ELMO1: variants seen among roughly 807,000 people sequenced by gnomAD.
ELMO1 encodes the protein engulfment and cell motility 1, also known as engulfment and cell motility protein 1.
A neutral mutation model predicts 98.9 loss-of-function variants in ELMO1; 26 were observed. The ratio of observed to expected loss-of-function variants is 0.26; its 90% confidence interval spans 0.19 to 0.36. The LOEUF is 0.36. Among genes scored for constraint, ELMO1 ranks in the 10% least tolerant of loss-of-function variants. The pLI is 1.00. For missense variants in ELMO1, 627 were observed against 935.2 expected, an observed-to-expected ratio of 0.67 and a Z score of 4.30; for synonymous variants, 346 against 346.0, an observed-to-expected ratio of 1.00 and a Z score of 0.00.
intron 1 of ELMO1, among the ~76,000 whole-genome samples, chr7:37,389,579 A>T (rs928371675): frequency 6.6e-6 from 1 of 152,166 alleles, no homozygotes; most frequent in African/African-American, 2.4e-5. Context: ...GAGAGTCTCG[A>T]ATCGTCCAGG....
intron 18 of ELMO1, among the ~76,000 whole-genome samples, chr7:36,881,584 C>T (rs1277921646): frequency 2.0e-5 from 3 of 152,104 alleles, no homozygotes; most frequent in African/African-American, 4.8e-5. Flanking sequence ...AATGAGAGTA[C>T]GTTAATAGCC....
chr7:36,897,351 A>T (rs201023936), intron 16 of ELMO1, among the ~76,000 whole-genome samples: 2 of 6,970 alleles, frequency 2.9e-4, no homozygotes, highest in South Asian at 4.5e-3. Context: ...TGTGTGTGTG[A>T]AAGAGTGTTA....
chr7:37,334,475 C>T (rs926061635), intron 2 of ELMO1, among the ~76,000 whole-genome samples: 2 of 152,066 alleles, frequency 1.3e-5, no homozygotes, highest in African/African-American at 4.8e-5. Context: ...AAAAAACTGC[C>T]TGGGTTTTGG....
At position 37,293,319 on chromosome 7, in the gene ELMO1, C is replaced by T. The variant is rs1316877525; in HGVS notation, c.193-21437G>A. On this transcript the variant is annotated intron_variant, in intron 4 of 21. Coordinates refer to ENST00000310758, the MANE Select transcript of ELMO1 (RefSeq NM_014800.11). ...AAAGATTGAGAAATCGGGTGGTTGCCGTGTCTGTGTAGAAAGAGGTAGACA... is the reference window on the plus strand; with the variant it reads ...AAAGATTGAGAAATCGGGTGGTTGCTGTGTCTGTGTAGAAAGAGGTAGACA... Among the ~76,000 whole-genome samples the T allele has an allele frequency of 8.3e-4, 102 of 122,242 alleles. 1 individual carries two copies. The highest frequency in any genetic ancestry group is 1.3e-3 in the South Asian group (5 of 3,836). 80.2% of individuals were successfully genotyped at this position (122,242 alleles called of 152,430 possible). A position where few individuals can be genotyped will look rare whatever the true frequency, so the allele number is the denominator to read the frequency against.
chr7:37,264,236 G>A (rs762199274), intron 5 of ELMO1, among the ~76,000 whole-genome samples: 1 of 152,128 alleles, frequency 6.6e-6, no homozygotes, highest in Non-Finnish European at 1.5e-5. Flanking sequence ...CATTTACCAT[G>A]AGTTCAAAAC....
At chr7:36,876,365 A>G (rs1803973435) in intron 19 of ELMO1, among the ~76,000 whole-genome samples, 2 of 149,298 alleles carry the variant, frequency 1.3e-5, no homozygotes, top group Admixed American at 6.6e-5. Flanking sequence ...AAGGGTTGTG[A>G]TATTAAACTT....
intron 16 of ELMO1, among the ~76,000 whole-genome samples, chr7:36,926,410 G>C (rs906847686): frequency 6.6e-6 from 1 of 152,168 alleles, no homozygotes; most frequent in Non-Finnish European, 1.5e-5. Context: ...ACCTAGGTGG[G>C]CATTTTTTTC....
At chr7:37,129,791 T>C (rs1358629910) in intron 14 of ELMO1, among the ~76,000 whole-genome samples, 1 of 152,212 alleles carries the variant, frequency 6.6e-6, no homozygotes, top group South Asian at 2.1e-4. Context: ...ATTCTCATCT[T>C]CATTTAAAAC....
chr7:37,152,704 C>A (rs1788447699), intron 13 of ELMO1, among the ~76,000 whole-genome samples: 1 of 152,014 alleles, frequency 6.6e-6, no homozygotes, highest in South Asian at 2.1e-4. Flanking sequence ...GGGGTAGCTT[C>A]ATTTAGTGAA....
chr7:37,035,091 T>C (rs1265627427), intron 15 of ELMO1, among the ~76,000 whole-genome samples: 6 of 152,172 alleles, frequency 3.9e-5, no homozygotes, highest in African/African-American at 1.4e-4. Context: ...CTTGGTGGCA[T>C]TTTCCATTCC....
chr7:37,348,622 C>T (rs959653042), intron 1 of ELMO1, among the ~76,000 whole-genome samples: 2 of 151,996 alleles, frequency 1.3e-5, no homozygotes, highest in Admixed American at 6.6e-5. Flanking sequence ...CTCTATAACC[C>T]GTGAACAAGC....
chr7:37,210,806 C>T (rs575520651), intron 13 of ELMO1, among the ~76,000 whole-genome samples: 13 of 151,810 alleles, frequency 8.6e-5, no homozygotes, highest in South Asian at 4.2e-4. Context: ...GGGAGAAAAT[C>T]GAGAATATAG....
chr7:37,341,617 G>A (rs1020137083), intron 2 of ELMO1, among the ~76,000 whole-genome samples: 1 of 152,112 alleles, frequency 6.6e-6, no homozygotes, highest in African/African-American at 2.4e-5. Context: ...GAGCTGACCC[G>A]TATAATTCAT....
chr7:37,135,382 CCCTT>C (rs1172399239), intron 13 of ELMO1, among the ~76,000 whole-genome samples: 1 of 152,154 alleles, frequency 6.6e-6, no homozygotes, highest in Non-Finnish European at 1.5e-5. Context: ...AATTCACAGA[CCCTT>C]TGAAGGAACT....
chr7:37,060,189 T>C (rs560268944), intron 15 of ELMO1, among the ~76,000 whole-genome samples: 1 of 152,346 alleles, frequency 6.6e-6, no homozygotes, highest in East Asian at 1.9e-4. Flanking sequence ...AGTTTAATCA[T>C]GTAATTCCAG....
At chr7:36,902,505 C>T (rs1055268993) in intron 16 of ELMO1, among the ~76,000 whole-genome samples, 42 of 152,176 alleles carry the variant, frequency 2.8e-4, no homozygotes, top group Admixed American at 1.9e-3. Context: ...CCAACCAATG[C>T]GAAGCTTACG....
chr7:37,375,996 T>C, intron 1 of ELMO1: 4 of 536,618 alleles, frequency 7.5e-6, no homozygotes, highest in South Asian at 3.8e-5. Flanking sequence ...GAGGATTTGG[T>C]TGTGAACATG....
At chr7:36,937,142 T>C (rs1786606523) in intron 16 of ELMO1, among the ~76,000 whole-genome samples, 1 of 152,212 alleles carries the variant, frequency 6.6e-6, no homozygotes, top group South Asian at 2.1e-4. Flanking sequence ...CCAAAAGATA[T>C]GCTGAAGTCC....
chr7:36,871,862 C>A (rs1803534522), intron 19 of ELMO1, among the ~76,000 whole-genome samples: 1 of 152,090 alleles, frequency 6.6e-6, no homozygotes, highest in Non-Finnish European at 1.5e-5. Flanking sequence ...TTTCCAGGTA[C>A]CCTAAAATTA....
Sources: allele counts gnomAD v4.1 joint callset (sites outside exome capture counted in the v4.1 genomes callset), GRCh38; gene constraint gnomAD v4.1.1; transcripts MANE v1.5; gene names NCBI Gene and HGNC (gene_info 2026-07-23, HGNC 2026-07-21).